The following GPC6 variants were observed in gnomAD, a reference collection of about 807,000 sequenced individuals.
GPC6 encodes glypican 6, also known as glypican-6.
In GPC6, 14 loss-of-function variants were observed where a neutral mutation model predicts 55.2. The observed-to-expected ratio is 0.25, with a 90% CI of 0.17 to 0.40. The LOEUF (loss-of-function observed/expected upper bound fraction) is 0.40, where lower values mean the gene tolerates loss of function less well. Ranked by LOEUF, GPC6 falls within the 10% of genes least tolerant of loss-of-function variation. The pLI, the probability that GPC6 is intolerant of heterozygous loss-of-function variation, is 1.00. For missense variants in GPC6, 641 were observed against 708.5 expected, an observed-to-expected ratio of 0.90 and a Z score of 1.08; for synonymous variants, 278 against 259.6, an observed-to-expected ratio of 1.07 and a Z score of -0.68.
chr13:93,691,099 A>G (rs563331503), intron 2 of GPC6, among the ~76,000 whole-genome samples: 36 of 152,208 alleles, frequency 2.4e-4, no homozygotes, highest in African/African-American at 8.7e-4. Flanking sequence ...TTCCTTACCA[A>G]ATAAAGAGAA....
intron 4 of GPC6, among the ~76,000 whole-genome samples, chr13:94,120,441 A>G (rs1219910198): frequency 6.6e-6 from 1 of 152,070 alleles, no homozygotes; most frequent in Non-Finnish European, 1.5e-5. Flanking sequence ...CTTAAAGGCC[A>G]GGTTTCTTCC....
At position 93,365,504 on chromosome 13, in the gene GPC6, A is replaced by G. The variant is rs1217565876; in HGVS notation, c.160+137888A>G. 5.3e-5 allele frequency among the ~76,000 whole-genome samples: 8 copies of G among 152,090 alleles called. No individual in the cohort carries two copies. The East Asian group carries it at 1.2e-3, about 22-fold the overall frequency. ...CATTCTTTTCCAACCTGCTTGAAAT[A>G]TGACAGCTCCTAAATCAATAAACTA... On this transcript the variant is annotated intron_variant, in intron 1 of 8. Transcript: ENST00000377047.
intron 4 of GPC6, among the ~76,000 whole-genome samples, chr13:94,101,831 C>G (rs1351226282): frequency 6.7e-6 from 1 of 150,162 alleles, no homozygotes; most frequent in African/African-American, 2.4e-5. Context: ...GTCATGTGCT[C>G]ATATTCCAAA....
chr13:93,880,430 T>C (rs1355780919), intron 3 of GPC6, among the ~76,000 whole-genome samples: 3 of 151,910 alleles, frequency 2.0e-5, no homozygotes, highest in Non-Finnish European at 2.9e-5. Context: ...ATGGATGAAA[T>C]TGGAAATCAT....
chr13:93,243,841 G>T (rs1216579209), intron 1 of GPC6, among the ~76,000 whole-genome samples: 3 of 152,166 alleles, frequency 2.0e-5, no homozygotes, highest in Non-Finnish European at 2.9e-5. Flanking sequence ...GCTGTGCTGG[G>T]TGAAGTCGGG....
At chr13:93,285,866 G>A (rs969272354) in intron 1 of GPC6, among the ~76,000 whole-genome samples, 5 of 151,944 alleles carry the variant, frequency 3.3e-5, no homozygotes, top group African/African-American at 1.2e-4. Context: ...CAATATTAAT[G>A]TATACTACAT....
At chr13:93,488,437 C>G (rs1879818517) in intron 1 of GPC6, among the ~76,000 whole-genome samples, 1 of 152,162 alleles carries the variant, frequency 6.6e-6, no homozygotes, top group Non-Finnish European at 1.5e-5. Context: ...CATACGTGTG[C>G]ATGTGTCTTT....
At position 93,720,593 on chromosome 13, in the gene GPC6, C is replaced by A. The variant is rs148917557; in HGVS notation, c.320-109561C>A. Among the ~76,000 whole-genome samples, 4 of 152,030 alleles carry A rather than the reference C, an allele frequency of 2.6e-5. No homozygotes were observed. The East Asian group carries it at 7.8e-4, about 30-fold the overall frequency. ...AGTTCTTCTCTGATATTAGTTATTT[C>A]TTGTCTTCTGCTAGCTTCTGAATTT... On this transcript the variant is annotated intron_variant, in intron 2 of 8. Transcript: ENST00000377047.
intron 4 of GPC6, among the ~76,000 whole-genome samples, chr13:94,106,312 AG>A (rs139910427): frequency 0.12 from 18,876 of 152,276 alleles, 1,482 homozygotes; most frequent in East Asian, 0.32. Flanking sequence ...ATCTGAGAAA[AG>A]GTTACATTAT....
At chr13:93,501,372 T>C (rs2139372111) in intron 1 of GPC6, among the ~76,000 whole-genome samples, 1 of 152,264 alleles carries the variant, frequency 6.6e-6, no homozygotes, top group Admixed American at 6.5e-5. Flanking sequence ...CCAGAAGTGG[T>C]GAGAAAACTT....
chr13:93,567,506 G>T (rs1004275473), intron 2 of GPC6, among the ~76,000 whole-genome samples: 3 of 150,134 alleles, frequency 2.0e-5, no homozygotes, highest in African/African-American at 4.9e-5. Context: ...TCTTTTTTTA[G>T]TAGAGACAGG....
chr13:94,272,737 G>A lies in GPC6; in HGVS notation c.878-13612G>A, dbSNP rs145401671. 9.0e-3 allele frequency among the ~76,000 whole-genome samples: 1,369 copies of A among 152,040 alleles called. 26 individuals are homozygous for A. The highest frequency in any genetic ancestry group is 0.031 in the African/African-American group (1,294 of 41,490). On this transcript the variant is annotated intron_variant, in intron 4 of 8. Transcript: ENST00000377047. ...CCCACCTTGGCCTCCCAAAGTGCTGGGATTACAGGCATGAGACACCACGCC... is the reference window on the plus strand; with the variant it reads ...CCCACCTTGGCCTCCCAAAGTGCTGAGATTACAGGCATGAGACACCACGCC...
chr13:93,315,305 T>A (rs947057300), intron 1 of GPC6, among the ~76,000 whole-genome samples: 1 of 152,104 alleles, frequency 6.6e-6, no homozygotes, highest in Admixed American at 6.6e-5. Context: ...AAAATGAATA[T>A]GATCATATTG....
intron 4 of GPC6, among the ~76,000 whole-genome samples, chr13:94,096,203 C>A (rs969769801): frequency 1.3e-5 from 2 of 151,920 alleles, no homozygotes; most frequent in Admixed American, 1.3e-4. Flanking sequence ...ATACAGAATT[C>A]TATTTTATGG....
At chr13:94,156,019 C>A (rs1403999100) in intron 4 of GPC6, among the ~76,000 whole-genome samples, 1 of 152,170 alleles carries the variant, frequency 6.6e-6, no homozygotes, top group Non-Finnish European at 1.5e-5. Context: ...GGGTAGCATG[C>A]CTGGGCTTCA....
At chr13:94,264,280 T>C (rs1050813937) in intron 4 of GPC6, among the ~76,000 whole-genome samples, 3 of 152,232 alleles carry the variant, frequency 2.0e-5, no homozygotes, top group Non-Finnish European at 4.4e-5. Flanking sequence ...TAGAAGCAGT[T>C]AGATATTCAT....
intron 1 of GPC6, among the ~76,000 whole-genome samples, chr13:93,302,282 GTCTTT>G (rs1878708056): frequency 6.6e-6 from 1 of 152,120 alleles, no homozygotes; most frequent in Admixed American, 6.5e-5. Context: ...GATGGTAAAA[GTCTTT>G]AATTTGCACT....
chr13:93,738,646 G>C (rs1366036496), intron 2 of GPC6, among the ~76,000 whole-genome samples: 1 of 152,102 alleles, frequency 6.6e-6, no homozygotes, highest in Non-Finnish European at 1.5e-5. Context: ...CAGAGGTAGA[G>C]ACATGGGGGT....
In GPC6 at chr13:93,272,102, G is replaced by A. The variant is rs570628877; in HGVS notation, c.160+44486G>A. Among the ~76,000 whole-genome samples, 8 of 152,036 alleles carry A rather than the reference G, an allele frequency of 5.3e-5. No individual in the cohort carries two copies. In the South Asian group the frequency reaches 1.7e-3, roughly 32 times the overall value. On this transcript the variant is annotated intron_variant, in intron 1 of 8. Coordinates refer to ENST00000377047, the MANE Select transcript of GPC6 (RefSeq NM_005708.5). Reference sequence around the variant, plus strand: ...CGCTTGTATTAGGGAAAAATAAGCTGTAGTTTTTTACTTGATATGAATTCT... The same window carrying A: ...CGCTTGTATTAGGGAAAAATAAGCTATAGTTTTTTACTTGATATGAATTCT...
Sources: gnomAD v4.1 joint callset for allele counts (sites outside exome capture counted in the v4.1 genomes callset) on GRCh38, gnomAD v4.1.1 for gene constraint, MANE v1.5 for transcripts, NCBI Gene and HGNC (gene_info 2026-07-23, HGNC 2026-07-21) for gene names.